Variants in TNRC18 observed in about 807,000 individuals in gnomAD.
TNRC18 encodes trinucleotide repeat containing 18, also known as trinucleotide repeat-containing gene 18 protein.
Under a neutral mutation model 226.7 loss-of-function variants are expected in TNRC18, and 69 were observed. That is an observed-to-expected ratio of 0.30 (90% CI 0.25 to 0.37). The LOEUF is 0.37. Among genes scored for constraint, TNRC18 ranks in the 10% least tolerant of loss-of-function variants. TNRC18 has a pLI of 1.00. For missense variants in TNRC18, 4,754 were observed against 4,256.6 expected (o/e 1.12, Z -3.25); for synonymous variants, 2,449 against 1,927.6 (o/e 1.27, Z -7.09).
intron 5 of TNRC18, among the ~76,000 whole-genome samples, chr7:5,387,344 C>T (rs1293982340): frequency 1.3e-5 from 2 of 152,196 alleles, no homozygotes; most frequent in Non-Finnish European, 2.9e-5. Context: ...TCGATGACTT[C>T]AAATTGAAGG....
chr7:5,322,164 G>A (rs1583763693), intron 21 of TNRC18, among the ~76,000 whole-genome samples: 1 of 151,872 alleles, frequency 6.6e-6, no homozygotes, highest in Admixed American at 6.6e-5. Context: ...TGTAGTCCCA[G>A]CTACTTGGGA....
chr7:5,324,152 T>G lies in TNRC18; in HGVS notation c.6442+62A>C. The stretch of plus-strand genomic sequence containing the variant: ...TTCAGTCTCAAGCCTTGCTCAGATC[T>G]GCCTCCCCCAAGGGAGGCTCCAGCA... On this transcript the variant is annotated intron_variant, in intron 21 of 29. Coordinates refer to ENST00000430969, the MANE Select transcript of TNRC18 (RefSeq NM_001080495.3). This position sits in a 1 kb window ranked among gnomAD's most constrained non-coding sequence, Gnocchi z 4.8. 3 of 1,517,404 alleles carry G rather than the reference T, an allele frequency of 2.0e-6. No homozygotes were observed. The highest frequency in any genetic ancestry group is 2.7e-6 in the Non-Finnish European group (3 of 1,131,776). The allele number at this position is 1,517,404 out of a possible 1,614,324, so 94.0% of individuals were successfully genotyped here. A position where few individuals can be genotyped will look rare whatever the true frequency, so the allele number is the denominator to read the frequency against.
chr7:5,356,178 AAAAAAAG>A (rs901374893), intron 16 of TNRC18, among the ~76,000 whole-genome samples: 2 of 145,844 alleles, frequency 1.4e-5, no homozygotes, highest in Admixed American at 6.9e-5. Flanking sequence ...TAAAAAAAAA[AAAAAAAG>A]AAAGAAAATA....
intron 15 of TNRC18, among the ~76,000 whole-genome samples, chr7:5,358,621 C>T (rs1792703108): frequency 6.6e-6 from 1 of 151,650 alleles, no homozygotes; most frequent in Admixed American, 6.6e-5. Context: ...CGAGGCCAGC[C>T]TGGCCAAGAT....
intron 18 of TNRC18, among the ~76,000 whole-genome samples, chr7:5,340,245 AG>A (rs562544455): frequency 1.4e-3 from 219 of 152,358 alleles, no homozygotes; most frequent in African/African-American, 5.2e-3. Flanking sequence ...AAAGTGAAAC[AG>A]GTTCATTGCT....
chr7:5,407,610 G>C (rs1353556848), intron 2 of TNRC18, among the ~76,000 whole-genome samples: 1 of 152,184 alleles, frequency 6.6e-6, no homozygotes, highest in African/African-American at 2.4e-5. Flanking sequence ...ACTTTGTCTT[G>C]CTCCAATCAG....
chr7:5,383,957 A>ATTTTTTTTTTTTTTTTTTTTT (rs765430615), intron 5 of TNRC18, among the ~76,000 whole-genome samples: 1 of 78,794 alleles, frequency 1.3e-5, no homozygotes, highest in Non-Finnish European at 2.2e-5. Flanking sequence ...TACCCGGGTG[A>ATTTTTTTTTTTTTTTTTTTTT]TTTTTTTTTT....
Position 5,377,077 on chromosome 7 carries a change from C to T in TNRC18, c.2462-84G>A. The T allele has an allele frequency of 2.0e-6, 3 of 1,510,422 alleles. No homozygotes were observed. The highest frequency in any genetic ancestry group is 1.8e-6 in the Non-Finnish European group (2 of 1,130,716). 93.6% of individuals were successfully genotyped at this position (1,510,422 alleles called of 1,614,324 possible). ...GGGCAGCCCCAGCCCAGCACCACCT[C>T]CCAAGTCCTGAACCTCCTGGGGCCT... On this transcript the variant is annotated intron_variant, in intron 7 of 29. Transcript: ENST00000430969. This position sits in a 1 kb window ranked among gnomAD's most constrained non-coding sequence, Gnocchi z 5.8.
intron 2 of TNRC18, among the ~76,000 whole-genome samples, chr7:5,401,402 A>C (rs1405932190): frequency 6.6e-6 from 1 of 151,282 alleles, no homozygotes; most frequent in Non-Finnish European, 1.5e-5. Context: ...GACCCTGCAC[A>C]CTCCCGCCTG....
chr7:5,366,220 T>TC (rs1006285289), intron 11 of TNRC18, among the ~76,000 whole-genome samples: 3 of 144,316 alleles, frequency 2.1e-5, no homozygotes, highest in Non-Finnish European at 4.5e-5. Context: ...GCAGTAGTGC[T>TC]CCCCCCAAGC....
chr7:5,323,057 C>T (rs752988545), intron 21 of TNRC18, among the ~76,000 whole-genome samples: 6 of 152,248 alleles, frequency 3.9e-5, no homozygotes, highest in Non-Finnish European at 5.9e-5. Context: ...GCCAGCCCAT[C>T]ACCGCAGGAG....
In TNRC18 at chr7:5,394,336, C is replaced by T. The variant is rs1780506924; in HGVS notation, c.343+104G>A. 2 of 1,165,786 alleles carry T rather than the reference C, an allele frequency of 1.7e-6. No individual in the cohort carries two copies. Among genetic ancestry groups the T allele is most frequent in the Non-Finnish European group, 2.3e-6 (2 of 862,258 alleles). The allele number at this position is 1,165,786 out of a possible 1,614,324, so 72.2% of individuals were successfully genotyped here. ...GGGAAGCCAGGTGACCTGGGACCCA[C>T]CAGCCCCAGCTCAGCGATGACAACA... On this transcript the variant is annotated intron_variant, in intron 3 of 29. Coordinates refer to ENST00000430969, the MANE Select transcript of TNRC18 (RefSeq NM_001080495.3). This position sits in a 1 kb window ranked among gnomAD's most constrained non-coding sequence, Gnocchi z 4.5.
intron 5 of TNRC18, among the ~76,000 whole-genome samples, chr7:5,379,116 G>C (rs1779214187): frequency 6.6e-6 from 1 of 151,976 alleles, no homozygotes; most frequent in Admixed American, 6.6e-5. Context: ...AGAATCATTT[G>C]AACTCAGGAG....
chr7:5,323,961 C>T (rs1484037732), intron 21 of TNRC18, among the ~76,000 whole-genome samples: 2 of 152,226 alleles, frequency 1.3e-5, no homozygotes, highest in African/African-American at 4.8e-5. Context: ...ACACGGAACT[C>T]CTTCCCAAGC....
chr7:5,370,529 C>T lies in TNRC18; in HGVS notation c.4065G>A (p.Arg1355=), dbSNP rs1313687005. The change falls in exon 11 of 30, where the codon AGG becomes AGA. Residue 1355 remains arginine, a synonymous_variant. Transcript: ENST00000430969. The stretch of plus-strand genomic sequence containing the variant: ...CAGCAGCACCCGGGGAGGGCAGAGG[C>T]CTGGCCTGGGGCAGCTCCGCAGCTG... ...LAAAAELPQA[R]PLPSPGAAGA... The T allele has an allele frequency of 6.2e-7, 1 of 1,603,134 alleles. No homozygotes were observed. The highest frequency in any genetic ancestry group is 1.3e-5 in the African/African-American group (1 of 74,704).
chr7:5,316,657 C>T (rs76366108), intron 24 of TNRC18, among the ~76,000 whole-genome samples: 2,456 of 152,234 alleles, frequency 0.016, 62 homozygotes, highest in Admixed American at 0.061. Context: ...ATGCACAAGA[C>T]CCTCCTGCAA....
chr7:5,313,614 G>T lies in TNRC18; in HGVS notation c.7277C>A (p.Pro2426His), dbSNP rs772138257. The T allele has an allele frequency of 3.1e-6, 5 of 1,603,586 alleles. No individual in the cohort carries two copies. Among genetic ancestry groups the T allele is most frequent in the Non-Finnish European group, 4.3e-6 (5 of 1,176,058 alleles). The change falls in exon 27 of 30, where the codon CCC (proline) becomes CAC (histidine). Residue 2426 changes from proline to histidine, a missense_variant. Transcript: ENST00000430969. Reference sequence around the variant, plus strand: ...GCGTGTGGCAGGCATGGTGATGAGGGGTGCTGGGGCCAGGGAGGTGGCAGG... The same window carrying T: ...GCGTGTGGCAGGCATGGTGATGAGGTGTGCTGGGGCCAGGGAGGTGGCAGG... ...PAPATSLAPA[P>H]LITMPATRPK...
chr7:5,320,415 C>G lies in TNRC18; in HGVS notation c.6648G>C (p.Val2216=). The G allele has an allele frequency of 6.4e-7, 1 of 1,561,846 alleles. No individual in the cohort carries two copies. The highest frequency in any genetic ancestry group is 8.7e-7 in the Non-Finnish European group (1 of 1,153,004). Residue 2216 remains valine, a synonymous_variant, in exon 24 of 30, where the codon GTG becomes GTC. Coordinates refer to ENST00000430969, the MANE Select transcript of TNRC18 (RefSeq NM_001080495.3). The stretch of plus-strand genomic sequence containing the variant: ...GCAAGAAGCGAGTGGAGGCTGGCCT[C>G]ACATCGATGATCTAGAAGGGCATGG... ...EQLLQEAIID[V]RPASTRFLPQ...
intron 5 of TNRC18, among the ~76,000 whole-genome samples, chr7:5,385,851 C>T (rs759447901): frequency 3.3e-5 from 5 of 151,162 alleles, no homozygotes; most frequent in Admixed American, 2.6e-4. Context: ...GGCATGGTGG[C>T]GTGCACCTAT....
Sources: allele counts gnomAD v4.1 joint callset (sites outside exome capture counted in the v4.1 genomes callset), GRCh38; gene constraint gnomAD v4.1.1; non-coding constraint Gnocchi (gnomAD v3.1); transcripts MANE v1.5; gene names NCBI Gene and HGNC (gene_info 2026-07-23, HGNC 2026-07-21).